EPB41L3: variants seen among roughly 807,000 people sequenced by gnomAD.
The protein encoded by EPB41L3 is band 4.1-like protein 3.
In EPB41L3, 57 loss-of-function variants were observed where a neutral mutation model predicts 127.1. The observed-to-expected ratio is 0.45, with a 90% CI of 0.36 to 0.56. The LOEUF (loss-of-function observed/expected upper bound fraction) is 0.56, where lower values mean the gene tolerates loss of function less well. EPB41L3 is among the 20% of genes least tolerant of loss of function. EPB41L3 has a pLI of 0.00. For synonymous variants in EPB41L3, 572 were observed against 549.5 expected, an observed-to-expected ratio of 1.04 and a Z score of -0.57; for missense variants, 1,273 against 1,372.2, an observed-to-expected ratio of 0.93 and a Z score of 1.14.
At chr18:5,473,113 T>C (rs1398514834) in intron 3 of EPB41L3, among the ~76,000 whole-genome samples, 1 of 152,114 alleles carries the variant, frequency 6.6e-6, no homozygotes, top group Non-Finnish European at 1.5e-5. Flanking sequence ...TATGGCTGCA[T>C]TTAAATTGCT....
intron 3 of EPB41L3, among the ~76,000 whole-genome samples, chr18:5,456,212 CA>C (rs1344042409): frequency 6.6e-6 from 1 of 152,022 alleles, no homozygotes; most frequent in Non-Finnish European, 1.5e-5. Context: ...CACTGATAAT[CA>C]AAAAACATGA....
At chr18:5,479,838 T>C (rs1011496952) in intron 2 of EPB41L3, 3 of 152,176 alleles carry the variant, frequency 2.0e-5, no homozygotes, top group African/African-American at 7.2e-5. Flanking sequence ...TGTCTTTCTA[T>C]AGCAAAGTAT....
At chr18:5,533,148 A>AG (rs1163079793) in intron 1 of EPB41L3, among the ~76,000 whole-genome samples, 16 of 152,112 alleles carry the variant, frequency 1.1e-4, no homozygotes, top group African/African-American at 3.6e-4. Context: ...AGGTTCAATG[A>AG]GGGGGAAAAA....
upstream of EPB41L3, among the ~76,000 whole-genome samples, chr18:5,629,665 G>A (rs552673005): frequency 6.6e-6 from 1 of 152,318 alleles, no homozygotes; most frequent in African/African-American, 2.4e-5. Context: ...CTGGGCTAGC[G>A]GTTCGAGCTG....
chr18:5,534,386 C>A (rs1481634362), intron 1 of EPB41L3, among the ~76,000 whole-genome samples: 1 of 152,180 alleles, frequency 6.6e-6, no homozygotes, highest in Non-Finnish European at 1.5e-5. Context: ...CTGGGACCAC[C>A]TGGATCAGAT....
chr18:5,497,676 C>T (rs560076690), intron 1 of EPB41L3, among the ~76,000 whole-genome samples: 4 of 152,268 alleles, frequency 2.6e-5, no homozygotes, highest in Admixed American at 6.5e-5. Flanking sequence ...TTCATGAACC[C>T]GATATCATCA....
intron 13 of EPB41L3, among the ~76,000 whole-genome samples, chr18:5,415,328 G>C (rs1470751616): frequency 6.6e-6 from 1 of 152,166 alleles, no homozygotes; most frequent in Non-Finnish European, 1.5e-5. Context: ...GGACATTTCA[G>C]GATCTCCAGG....
intron 1 of EPB41L3, among the ~76,000 whole-genome samples, chr18:5,524,372 T>C (rs150741835): frequency 0.021 from 3,161 of 152,112 alleles, 64 homozygotes; most frequent in East Asian, 0.096. Context: ...TTTTTGTATT[T>C]TTAGTAGAGA....
chr18:5,527,685 G>T (rs564925118), intron 1 of EPB41L3, among the ~76,000 whole-genome samples: 42 of 152,326 alleles, frequency 2.8e-4, no homozygotes, highest in African/African-American at 9.6e-4. Context: ...TTGGGAGGAG[G>T]TCTGTGCAAG....
chr18:5,566,257 T>A (rs1235667049), intron 3 of EPB41L3, among the ~76,000 whole-genome samples: 1 of 152,186 alleles, frequency 6.6e-6, no homozygotes, highest in Non-Finnish European at 1.5e-5. Context: ...GATAGGCAAC[T>A]TCAGCAAAGT....
At chr18:5,401,659 G>C (rs2074516786) in intron 16 of EPB41L3, among the ~76,000 whole-genome samples, 1 of 152,060 alleles carries the variant, frequency 6.6e-6, no homozygotes, top group Non-Finnish European at 1.5e-5. Flanking sequence ...ATTTTTTAAA[G>C]TCAATTTCAA....
intron 3 of EPB41L3, among the ~76,000 whole-genome samples, chr18:5,556,885 T>C (rs1397322444): frequency 6.6e-6 from 1 of 152,148 alleles, no homozygotes; most frequent in Non-Finnish European, 1.5e-5. Context: ...AAGCACTCAG[T>C]AAGCTCTCAA....
chr18:5,543,998 G>T, upstream of EPB41L3: 1 of 985,506 alleles, frequency 1.0e-6, no homozygotes, highest in Non-Finnish European at 1.2e-6. The surrounding 1 kb of genome is among the most constrained non-coding windows in gnomAD (Gnocchi z 5.2). Context: ...CAGGAGACTC[G>T]GGCGTGGGGA....
chr18:5,428,044 C>G (rs577561388), intron 9 of EPB41L3, among the ~76,000 whole-genome samples: 1 of 152,126 alleles, frequency 6.6e-6, no homozygotes, highest in African/African-American at 2.4e-5. Context: ...CGTGAGCCAC[C>G]GCACCCGGCC....
At chr18:5,604,017 A>G (rs2094619886) in intron 3 of EPB41L3, among the ~76,000 whole-genome samples, 1 of 71,788 alleles carries the variant, frequency 1.4e-5, no homozygotes, top group South Asian at 5.7e-4. Flanking sequence ...ACACACACAC[A>G]CACGTGCACA....
chr18:5,489,599 T>C (rs1396010253), intron 1 of EPB41L3, among the ~76,000 whole-genome samples: 1 of 152,232 alleles, frequency 6.6e-6, no homozygotes, highest in Non-Finnish European at 1.5e-5. Flanking sequence ...GCAGACATTC[T>C]TTCTCATTTC....
chr18:5,467,106 T>G (rs565287969), intron 3 of EPB41L3, among the ~76,000 whole-genome samples: 1 of 152,230 alleles, frequency 6.6e-6, no homozygotes, highest in African/African-American at 2.4e-5. Context: ...AGCTAGATGA[T>G]GTGATAACTA....
At chr18:5,414,002 T>G (rs764276657) in intron 13 of EPB41L3, among the ~76,000 whole-genome samples, 1 of 152,248 alleles carries the variant, frequency 6.6e-6, no homozygotes, top group Non-Finnish European at 1.5e-5. Flanking sequence ...GCACAAGATC[T>G]GTGTGGTTTG....
chr18:5,575,426 A>C (rs2094327362), intron 3 of EPB41L3, among the ~76,000 whole-genome samples: 1 of 152,036 alleles, frequency 6.6e-6, no homozygotes, highest in South Asian at 2.1e-4. Flanking sequence ...CTGATTGTTA[A>C]AAACAGCTGG....
Sources: gnomAD v4.1 joint callset for allele counts (sites outside exome capture counted in the v4.1 genomes callset) on GRCh38, gnomAD v4.1.1 for gene constraint, Gnocchi (gnomAD v3.1) non-coding constraint, MANE v1.5 for transcripts, NCBI Gene and HGNC (gene_info 2026-07-23, HGNC 2026-07-21) for gene names.